Variants in ZBTB8OS observed in about 807,000 individuals in gnomAD.
ZBTB8OS encodes tRNA-splicing ligase-activating factor archease.
ZBTB8OS carries 16 observed loss-of-function variants against 29.3 expected under a neutral mutation model. That is an observed-to-expected ratio of 0.55 (90% CI 0.37 to 0.83). ZBTB8OS has a LOEUF of 0.83. ZBTB8OS is among the 40% of genes least tolerant of loss of function. The pLI, the probability that ZBTB8OS is intolerant of heterozygous loss-of-function variation, is 0.00. For missense variants in ZBTB8OS, 160 were observed against 196.9 expected (o/e 0.81, Z 1.12); for synonymous variants, 70 against 64.6 (o/e 1.08, Z -0.40).
At chr1:32,642,904 G>A (rs555062249) in intron 1 of ZBTB8OS, among the ~76,000 whole-genome samples, 1 of 144,696 alleles carries the variant, frequency 6.9e-6, no homozygotes, top group South Asian at 2.3e-4. Context: ...CGGAGTAGCT[G>A]GGATTACAGT....
chr1:32,639,150 T>C (rs1646212075), intron 1 of ZBTB8OS, among the ~76,000 whole-genome samples: 1 of 151,652 alleles, frequency 6.6e-6, no homozygotes, highest in Admixed American at 6.6e-5. Flanking sequence ...ATACAAAAAT[T>C]AGCCCGGTGT....
intron 5 of ZBTB8OS, among the ~76,000 whole-genome samples, chr1:32,628,102 T>C (rs533929629): frequency 1.3e-5 from 2 of 151,904 alleles, no homozygotes; most frequent in East Asian, 1.9e-4. Context: ...CCCAGCACTT[T>C]GGGAGGCCGA....
intron 4 of ZBTB8OS, among the ~76,000 whole-genome samples, chr1:32,632,868 G>A (rs1158831186): frequency 5.9e-5 from 9 of 152,138 alleles, no homozygotes; most frequent in African/African-American, 1.9e-4. Flanking sequence ...GGAGGAGGAC[G>A]ACATAGGATT....
chr1:32,643,845 G>A (rs1253276898), intron 1 of ZBTB8OS, among the ~76,000 whole-genome samples: 4 of 151,368 alleles, frequency 2.6e-5, no homozygotes, highest in Non-Finnish European at 5.9e-5. Context: ...AAAAGATGGG[G>A]GTCTCACTAG....
chr1:32,631,925 A>G, intron 4 of ZBTB8OS, 46 bp from the exon 5 acceptor site: 1 of 1,038,242 alleles, frequency 9.6e-7, no homozygotes, highest in Admixed American at 3.2e-5. Flanking sequence ...TTCATAATAG[A>G]CTATCTACTA....
chr1:32,636,777 C>T (rs1646001073), intron 1 of ZBTB8OS, among the ~76,000 whole-genome samples: 1 of 151,782 alleles, frequency 6.6e-6, no homozygotes, highest in African/African-American at 2.4e-5. Context: ...GAAATGCCTG[C>T]CTGAGAAAGA....
intron 5 of ZBTB8OS, among the ~76,000 whole-genome samples, chr1:32,631,008 AAAATAAAT>A (rs969883418): frequency 1.3e-5 from 2 of 152,122 alleles, no homozygotes; most frequent in African/African-American, 4.8e-5. Context: ...CTCTGTCTCA[AAAATAAAT>A]AAATAAATAA....
chr1:32,635,333 G>A (rs1046712126), intron 1 of ZBTB8OS, among the ~76,000 whole-genome samples: 7 of 150,488 alleles, frequency 4.7e-5, no homozygotes, highest in African/African-American at 7.4e-5. Flanking sequence ...GTACAGTGGC[G>A]CGATCTTGGC....
intron 4 of ZBTB8OS, chr1:32,633,441 A>C: frequency 2.0e-6 from 1 of 504,970 alleles, no homozygotes. Context: ...CAAATACATG[A>C]GATCTAAATA....
At chr1:32,647,679 T>C (rs1309923673) in intron 1 of ZBTB8OS, among the ~76,000 whole-genome samples, 2 of 152,162 alleles carry the variant, frequency 1.3e-5, no homozygotes, top group Non-Finnish European at 2.9e-5. Context: ...AACTGCACAT[T>C]GAGGGATCTA....
chr1:32,630,733 G>A (rs532153742), intron 5 of ZBTB8OS, among the ~76,000 whole-genome samples: 159 of 151,708 alleles, frequency 1.0e-3, no homozygotes, highest in Non-Finnish European at 1.8e-3. Flanking sequence ...AAATGAGGCC[G>A]GGCACAGTGG....
chr1:32,643,775 G>A (rs964028387), intron 1 of ZBTB8OS, among the ~76,000 whole-genome samples: 5 of 151,732 alleles, frequency 3.3e-5, no homozygotes, highest in Admixed American at 1.3e-4. Flanking sequence ...GATTACAGGC[G>A]TGAGCCACCA....
intron 1 of ZBTB8OS, chr1:32,640,155 G>A (rs928646919): frequency 6.6e-6 from 1 of 151,890 alleles, no homozygotes; most frequent in Non-Finnish European, 1.5e-5. Flanking sequence ...GGAGTGCAGT[G>A]GTGCAATATC....
chr1:32,645,926 CATTTTGAG>C (rs371599005), intron 1 of ZBTB8OS, among the ~76,000 whole-genome samples: 42 of 152,320 alleles, frequency 2.8e-4, no homozygotes, highest in African/African-American at 9.4e-4. Context: ...ACAGAGATTA[CATTTTGAG>C]AACTATTATA....
intron 2 of ZBTB8OS, chr1:32,634,367 C>T (rs924600839): frequency 6.6e-6 from 2 of 304,792 alleles, no homozygotes; most frequent in African/African-American, 2.1e-5. Flanking sequence ...GCTGGGATTA[C>T]AGGCAGGCAC....
At chr1:32,625,614 G>A (rs900060785) in intron 6 of ZBTB8OS, among the ~76,000 whole-genome samples, 1 of 152,176 alleles carries the variant, frequency 6.6e-6, no homozygotes, top group African/African-American at 2.4e-5. Flanking sequence ...GTGTGCACCT[G>A]TAAGCTCAGC....
intron 6 of ZBTB8OS, among the ~76,000 whole-genome samples, chr1:32,625,248 T>A (rs1645033652): frequency 1.5e-5 from 2 of 137,682 alleles, no homozygotes; most frequent in African/African-American, 2.8e-5. Flanking sequence ...ATAATAATAA[T>A]AAAAAAAACT....
intron 1 of ZBTB8OS, among the ~76,000 whole-genome samples, chr1:32,636,294 C>G (rs1056866535): frequency 6.6e-6 from 1 of 152,230 alleles, no homozygotes; most frequent in Non-Finnish European, 1.5e-5. Flanking sequence ...GCACAACCAG[C>G]TCTGCGTAAA....
intron 1 of ZBTB8OS, among the ~76,000 whole-genome samples, chr1:32,649,647 CACACACACACACACACACACAT>C (rs1570786366): frequency 1.4e-5 from 2 of 137,976 alleles, no homozygotes; most frequent in East Asian, 4.0e-4. Context: ...CACACACACA[CACACACACACACACACACACAT>C]TTTTTTTTTT....
Sources: gnomAD v4.1 joint callset for allele counts (sites outside exome capture counted in the v4.1 genomes callset) on GRCh38, gnomAD v4.1.1 for gene constraint, MANE v1.5 for transcripts, NCBI Gene and HGNC (gene_info 2026-07-23, HGNC 2026-07-21) for gene names.